MYO19: variants seen among roughly 807,000 people sequenced by gnomAD.
MYO19 encodes myosin XIX.
A neutral mutation model predicts 129.2 loss-of-function variants in MYO19; 132 were observed. That is an observed-to-expected ratio of 1.02 (90% CI 0.89 to 1.18). The LOEUF is 1.18. MYO19 is among the 50% of genes most tolerant of loss of function. MYO19 has a pLI of 0.00. For synonymous variants in MYO19, 531 were observed against 477.2 expected (o/e 1.11, Z -1.47); for missense variants, 1,210 against 1,216.7 (o/e 0.99, Z 0.08).
chr17:36,513,838 T>C (rs1567759256), intron 9 of MYO19, 113 bp from the exon 10 acceptor site: 3 of 888,214 alleles, frequency 3.4e-6, no homozygotes, highest in Non-Finnish European at 1.7e-6. Context: ...ATCACAAGGC[T>C]CAGAGGTCCC....
chr17:36,495,986 T>A lies in MYO19; in HGVS notation c.*265A>T. 1 of 819,278 alleles carries A rather than the reference T, an allele frequency of 1.2e-6. No homozygotes were observed. Among genetic ancestry groups the A allele is most frequent in the Non-Finnish European group, 1.7e-6 (1 of 582,502 alleles). 50.8% of individuals were successfully genotyped at this position (819,278 alleles called of 1,614,324 possible). On this transcript the variant is annotated 3_prime_UTR_variant, in exon 26 of 26. Coordinates refer to ENST00000614623, the MANE Select transcript of MYO19 (RefSeq NM_001163735.2). ...CATGACTGCTGCTGAGTTTGATCTG[T>A]GAAGGTAGTGAAATGTGGCCCTGAT... is the stretch of plus-strand genomic sequence containing the variant.
chr17:36,513,862 C>T (rs1057316247), intron 9 of MYO19, 137 bp from the exon 10 acceptor site: 9 of 716,764 alleles, frequency 1.3e-5, no homozygotes, highest in African/African-American at 8.9e-5. Context: ...CGAGAGCCCA[C>T]GGCAGGTATG....
upstream of MYO19, chr17:36,538,081 A>G (rs528500343): frequency 4.1e-4 from 655 of 1,614,222 alleles, 6 homozygotes; most frequent in South Asian, 6.8e-3. Flanking sequence ...TTATATATGC[A>G]TAAGAACCGA....
At chr17:36,529,626 A>G (rs150809362) in intron 3 of MYO19, among the ~76,000 whole-genome samples, 65 of 152,286 alleles carry the variant, frequency 4.3e-4, no homozygotes, top group Non-Finnish European at 6.0e-4. Flanking sequence ...TATAATGCAC[A>G]AGGTAGGCTC....
Position 36,532,596 on chromosome 17 carries a change from C to A in MYO19, c.-58G>T. On this transcript the variant is annotated 5_prime_UTR_variant, in exon 3 of 26. Coordinates refer to ENST00000614623, the MANE Select transcript of MYO19 (RefSeq NM_001163735.2). Reference sequence around the variant, plus strand: ...TTGCAGGAGGTACAAGGAGTACTATCCACCTAGTCATGGGACCATGGGCTG... The same window carrying A: ...TTGCAGGAGGTACAAGGAGTACTATACACCTAGTCATGGGACCATGGGCTG... 1 of 1,547,780 alleles carries A rather than the reference C, an allele frequency of 6.5e-7. No homozygotes were observed.
chr17:36,524,131 G>T (rs893407712), intron 6 of MYO19, among the ~76,000 whole-genome samples: 1 of 152,182 alleles, frequency 6.6e-6, no homozygotes, highest in Non-Finnish European at 1.5e-5. Flanking sequence ...GGGGGACAAG[G>T]CTTCGTTGAG....
At chr17:36,516,048 T>C (rs2072728026) in intron 6 of MYO19, 58 bp from the exon 7 acceptor site, 3 of 1,534,870 alleles carry the variant, frequency 2.0e-6, no homozygotes, top group Admixed American at 3.8e-5. Flanking sequence ...CTTCTGAGCC[T>C]GCCTGAGAGA....
intron 7 of MYO19, 140 bp from the exon 8 acceptor site, chr17:36,515,322 G>A (rs2072669133): frequency 1.5e-6 from 1 of 648,824 alleles, no homozygotes; most frequent in Non-Finnish European, 2.6e-6. Context: ...ATGTCATAGG[G>A]GACAGGACTA....
chr17:36,497,302 C>G (rs988066168), intron 25 of MYO19, among the ~76,000 whole-genome samples: 2 of 140,330 alleles, frequency 1.4e-5, no homozygotes, highest in African/African-American at 5.4e-5. Flanking sequence ...GACTCCGTCT[C>G]AAAAAATTAA....
Position 36,514,510 on chromosome 17 carries a change from A to T in MYO19, c.656T>A (p.Leu219His). 1 of 1,613,566 alleles carries T rather than the reference A, an allele frequency of 6.2e-7. No individual in the cohort carries two copies. Among genetic ancestry groups the T allele is most frequent in the Non-Finnish European group, 8.5e-7 (1 of 1,179,554 alleles). Residue 219 changes from leucine (L) to histidine (H), a missense_variant, in exon 9 of 26, where the codon CTC (leucine) becomes CAC (histidine). Leu to His is a moderately conservative substitution (Grantham distance 99). Coordinates refer to ENST00000614623, the MANE Select transcript of MYO19 (RefSeq NM_001163735.2). The part of the protein sequence containing the change: ...QMTGAAVQTY[L>H]LEKTRVACQA... Reference sequence around the variant, plus strand: ...GCAGGCCACTCGAGTTTTCTCTAGGAGGTAGGTCTGGACTGCGGCTCCAGT... The same window carrying T: ...GCAGGCCACTCGAGTTTTCTCTAGGTGGTAGGTCTGGACTGCGGCTCCAGT...
intron 2 of MYO19, chr17:36,533,111 C>T (rs2073924516): frequency 6.5e-6 from 1 of 153,684 alleles, no homozygotes. Context: ...CAATCACTCA[C>T]TGGGTGTGTG....
intron 19 of MYO19, chr17:36,504,417 A>C (rs1255822187): frequency 5.5e-6 from 1 of 182,228 alleles, no homozygotes; most frequent in Non-Finnish European, 1.1e-5. Context: ...AGGGAAGATT[A>C]TACTATGAAG....
upstream of MYO19, chr17:36,538,391 A>G (rs761899647): frequency 3.7e-6 from 6 of 1,614,166 alleles, no homozygotes; most frequent in Middle Eastern, 1.6e-4. Flanking sequence ...TAGTCCCTGA[A>G]GCCGAAAGAA....
rs745457405 is a variant in MYO19 at position 36,500,938 on chromosome 17, G to A, written c.2269C>T (p.Arg757Cys). The A allele has an allele frequency of 2.7e-5, 44 of 1,611,528 alleles. No individual in the cohort carries two copies. In the East Asian group the frequency reaches 6.0e-4, roughly 22 times the overall value. The change falls in exon 23 of 26, where the codon CGT (arginine) becomes TGT (cysteine). Residue 757 changes from arginine to cysteine, a missense_variant. Transcript: ENST00000614623. ...DSMLELLECG[R>C]ARVLEQCARC... ...GCACACTGCTCCAGCACCCGGGCAC[G>A]CCCACATTCCAGAAGCTCCAGCTGG...
At chr17:36,535,647 G>C (rs866598859), upstream of MYO19, 1 of 152,216 alleles carries the variant, frequency 6.6e-6, no homozygotes, top group Non-Finnish European at 1.5e-5. Context: ...TTAGGAAAAA[G>C]ACTTTTTATT....
intron 10 of MYO19, 44 bp downstream of exon 10, chr17:36,513,585 G>A: frequency 6.2e-7 from 1 of 1,613,708 alleles, no homozygotes; most frequent in Non-Finnish European, 8.5e-7. Flanking sequence ...GAGTGGGTGG[G>A]TGATGCTGGG....
upstream of MYO19, chr17:36,538,551 A>G (rs1290721958): frequency 1.9e-6 from 3 of 1,613,818 alleles, no homozygotes; most frequent in Non-Finnish European, 2.5e-6. Flanking sequence ...CAATCTCTAT[A>G]TGTTTTCCAA....
At chr17:36,537,959 A>G (rs750915031), upstream of MYO19, 8 of 1,614,078 alleles carry the variant, frequency 5.0e-6, no homozygotes, top group Admixed American at 1.2e-4. Flanking sequence ...GGTTAATATT[A>G]TATGGCACTG....
At chr17:36,537,911 A>G (rs1314718849), upstream of MYO19, 1 of 1,614,064 alleles carries the variant, frequency 6.2e-7, no homozygotes, top group Admixed American at 1.7e-5. Flanking sequence ...GCATTACTGT[A>G]TTATACCAGC....
Sources: allele counts gnomAD v4.1 joint callset (sites outside exome capture counted in the v4.1 genomes callset), GRCh38; gene constraint gnomAD v4.1.1; transcripts MANE v1.5; gene names NCBI Gene and HGNC (gene_info 2026-07-23, HGNC 2026-07-21).